Variants in OXR1 observed in about 807,000 individuals in gnomAD.
The protein encoded by OXR1 is oxidation resistance 1.
Under a neutral mutation model 104.6 loss-of-function variants are expected in OXR1, and 41 were observed. The observed-to-expected ratio is 0.39, with a 90% confidence interval of 0.31 to 0.51. The LOEUF is 0.51. Ranked by LOEUF, OXR1 falls within the 20% of genes least tolerant of loss-of-function variation. The probability of loss-of-function intolerance (pLI) is 0.77; values close to 1 mark genes in which losing one functional copy is unlikely to be tolerated. For missense variants in OXR1, 955 were observed against 1,031.9 expected, an observed-to-expected ratio of 0.93 and a Z score of 1.02; for synonymous variants, 348 against 348.4, an observed-to-expected ratio of 1.00 and a Z score of 0.01.
chr8:106,533,923 G>A (rs1814284628), intron 3 of OXR1, among the ~76,000 whole-genome samples: 1 of 151,958 alleles, frequency 6.6e-6, no homozygotes. Context: ...ATATTGATCA[G>A]TCTGGTCTTG....
At chr8:106,519,187 A>G in intron 3 of OXR1, 48 bp downstream of exon 3, 1 of 1,291,334 alleles carries the variant, frequency 7.7e-7, no homozygotes, top group Non-Finnish European at 1.1e-6. Flanking sequence ...ATCTACCTAA[A>G]TGGCATTGAG....
chr8:106,409,679 A>G (rs1363991779), intron 2 of OXR1, among the ~76,000 whole-genome samples: 1 of 152,170 alleles, frequency 6.6e-6, no homozygotes, highest in African/African-American at 2.4e-5. Flanking sequence ...TTTACTCACT[A>G]GCTTTATTTT....
chr8:106,714,102 A>G (rs758700628), intron 11 of OXR1, 117 bp downstream of exon 11: 21 of 689,266 alleles, frequency 3.0e-5, no homozygotes, highest in Non-Finnish European at 5.0e-5. Context: ...TTTAAAGGTC[A>G]GGTTCACTAT....
intron 3 of OXR1, chr8:106,580,955 A>G: frequency 3.0e-6 from 3 of 1,003,884 alleles, no homozygotes; most frequent in Non-Finnish European, 2.4e-6. Context: ...TTGAACCTAA[A>G]ACACATGCTT....
intron 6 of OXR1, among the ~76,000 whole-genome samples, chr8:106,685,080 G>T (rs1828563441): frequency 6.6e-6 from 1 of 151,938 alleles, no homozygotes; most frequent in African/African-American, 2.4e-5. Flanking sequence ...TCATTTATTT[G>T]ATGGATATCT....
At chr8:106,604,091 C>A (rs1343314753) in intron 3 of OXR1, among the ~76,000 whole-genome samples, 2 of 152,090 alleles carry the variant, frequency 1.3e-5, no homozygotes, top group African/African-American at 4.8e-5. Flanking sequence ...ACAGAAGAAA[C>A]CTGAACACTT....
intron 1 of OXR1, among the ~76,000 whole-genome samples, chr8:106,301,216 T>G (rs142044922): frequency 1.2e-4 from 18 of 152,180 alleles, no homozygotes; most frequent in African/African-American, 3.4e-4. Flanking sequence ...ACTGATAGGG[T>G]GTTGTTTATA....
At chr8:106,726,766 A>G (rs1233775332) in intron 11 of OXR1, among the ~76,000 whole-genome samples, 3 of 152,188 alleles carry the variant, frequency 2.0e-5, no homozygotes, top group Non-Finnish European at 4.4e-5. Context: ...TAAGCTGTTC[A>G]AAAAGTTTTC....
At chr8:106,431,498 T>C (rs1327372224) in intron 2 of OXR1, among the ~76,000 whole-genome samples, 3 of 152,192 alleles carry the variant, frequency 2.0e-5, no homozygotes, top group Non-Finnish European at 4.4e-5. Context: ...TATATTTCTC[T>C]CATAAGAAAA....
At chr8:106,693,466 A>C (rs1427741200) in intron 7 of OXR1, among the ~76,000 whole-genome samples, 2 of 107,972 alleles carry the variant, frequency 1.9e-5, no homozygotes, top group Admixed American at 1.4e-4. Context: ...TTTCGCTCTT[A>C]TCAGCCAGGC....
At chr8:106,565,968 T>A (rs1817040294) in intron 3 of OXR1, among the ~76,000 whole-genome samples, 1 of 152,116 alleles carries the variant, frequency 6.6e-6, no homozygotes, top group Non-Finnish European at 1.5e-5. Flanking sequence ...TATACAAAAA[T>A]TAACTCAAGA....
intron 11 of OXR1, among the ~76,000 whole-genome samples, chr8:106,723,904 C>T (rs2131475580): frequency 6.6e-6 from 1 of 152,040 alleles, no homozygotes; most frequent in East Asian, 1.9e-4. Flanking sequence ...GTCCTCCTGC[C>T]TCATCCTCCT....
At chr8:106,352,863 A>G (rs572546112) in intron 1 of OXR1, among the ~76,000 whole-genome samples, 2 of 152,338 alleles carry the variant, frequency 1.3e-5, no homozygotes, top group Admixed American at 1.3e-4. Flanking sequence ...TTTATTCTTC[A>G]GCGAATATCC....
chr8:106,669,591 T>C (rs889213313), intron 3 of OXR1, among the ~76,000 whole-genome samples: 2 of 152,140 alleles, frequency 1.3e-5, no homozygotes, highest in African/African-American at 4.8e-5. Flanking sequence ...ACTTTTAAAG[T>C]GTTTGAAGTT....
intron 2 of OXR1, among the ~76,000 whole-genome samples, chr8:106,451,374 A>G (rs192203884): frequency 2.6e-5 from 4 of 152,338 alleles, no homozygotes; most frequent in Admixed American, 6.5e-5. Context: ...GCCCATTTAA[A>G]AACAAAAAAG....
rs193149246 is a variant in OXR1 at position 106,740,764 on chromosome 8, A to G, written c.2316+269A>G. Among the ~76,000 whole-genome samples the G allele has an allele frequency of 1.7e-3, 260 of 152,278 alleles. 1 individual carries two copies. The highest frequency in any genetic ancestry group is 6.1e-3 in the African/African-American group (255 of 41,566). On this transcript the variant is annotated intron_variant, in intron 14 of 16. Coordinates refer to ENST00000517566, the MANE Select transcript of OXR1 (RefSeq NM_001198533.2). ...CATCTCTAATGGTGGGGAAAATGGTAGGTTTCTTAGAACCTAGAAAAAGTG... is the reference window on the plus strand; with the variant it reads ...CATCTCTAATGGTGGGGAAAATGGTGGGTTTCTTAGAACCTAGAAAAAGTG...
At chr8:106,270,779 G>C (rs932997237) in intron 1 of OXR1, among the ~76,000 whole-genome samples, 1 of 152,110 alleles carries the variant, frequency 6.6e-6, no homozygotes, top group Non-Finnish European at 1.5e-5. Context: ...AGTGTTGGGG[G>C]CGCAGAGTGG....
chr8:106,391,583 A>G (rs992969463), intron 2 of OXR1, among the ~76,000 whole-genome samples: 1 of 152,146 alleles, frequency 6.6e-6, no homozygotes, highest in Non-Finnish European at 1.5e-5. Flanking sequence ...GTGTCCCTTT[A>G]GTTTTTTTAT....
chr8:106,577,184 A>G (rs1817898959), intron 3 of OXR1, among the ~76,000 whole-genome samples: 1 of 151,428 alleles, frequency 6.6e-6, no homozygotes, highest in South Asian at 2.1e-4. Context: ...ACAGACCCAA[A>G]GCTATCCGTT....
Sources: gnomAD v4.1 joint callset for allele counts (sites outside exome capture counted in the v4.1 genomes callset) on GRCh38, gnomAD v4.1.1 for gene constraint, MANE v1.5 for transcripts, NCBI Gene and HGNC (gene_info 2026-07-23, HGNC 2026-07-21) for gene names.